Variants in FGD6 observed in about 807,000 individuals in gnomAD.
FGD6 encodes the protein FYVE, RhoGEF and PH domain containing 6.
FGD6 carries 90 observed loss-of-function variants against 149.4 expected under a neutral mutation model. The ratio of observed to expected loss-of-function variants is 0.60; its 90% CI spans 0.51 to 0.72. FGD6 has a LOEUF of 0.72. Ranked by LOEUF, FGD6 falls within the 30% of genes least tolerant of loss-of-function variation. The pLI is 0.00. For missense variants in FGD6, 1,437 were observed against 1,684.8 expected, an observed-to-expected ratio of 0.85 and a Z score of 2.57; for synonymous variants, 527 against 584.0, an observed-to-expected ratio of 0.90 and a Z score of 1.41.
chr12:95,088,404 C>T (rs1178536873), intron 18 of FGD6, among the ~76,000 whole-genome samples: 2 of 152,118 alleles, frequency 1.3e-5, no homozygotes, highest in Non-Finnish European at 2.9e-5. Flanking sequence ...AATAATCCAA[C>T]TCCAACTCAA....
chr12:95,180,724 T>TA (rs1267789058), intron 2 of FGD6, among the ~76,000 whole-genome samples: 1 of 152,128 alleles, frequency 6.6e-6, no homozygotes, highest in Non-Finnish European at 1.5e-5. Flanking sequence ...AGTACATTTT[T>TA]AAAAGTTGTT....
Position 95,108,572 on chromosome 12 carries a change from C to G in FGD6, c.3134-11G>C. The G allele has an allele frequency of 1.2e-6, 2 of 1,613,806 alleles. No homozygotes were observed. The highest frequency in any genetic ancestry group is 1.7e-6 in the Non-Finnish European group (2 of 1,179,806). On this transcript the variant is annotated splice_polypyrimidine_tract_variant and intron_variant, in intron 9 of 20. Transcript: ENST00000343958. ...CAACAGCAAGGGCATCTGAAATAGGCAGGAACAAAACGTGCATTTAGTAAT... is the reference window on the plus strand; with the variant it reads ...CAACAGCAAGGGCATCTGAAATAGGGAGGAACAAAACGTGCATTTAGTAAT...
intron 1 of FGD6, among the ~76,000 whole-genome samples, chr12:95,216,262 A>G (rs559484253): frequency 6.6e-6 from 1 of 152,346 alleles, no homozygotes; most frequent in African/African-American, 2.4e-5. Context: ...TGCCAAGAAA[A>G]GCAATGAAAA....
At chr12:95,176,974 T>C (rs1322725115) in intron 2 of FGD6, among the ~76,000 whole-genome samples, 1 of 152,052 alleles carries the variant, frequency 6.6e-6, no homozygotes, top group Non-Finnish European at 1.5e-5. Flanking sequence ...ACTATAGGTG[T>C]ACGCCACCAT....
chr12:95,132,095 T>C (rs1268110416), intron 8 of FGD6, among the ~76,000 whole-genome samples: 1 of 152,112 alleles, frequency 6.6e-6, no homozygotes, highest in East Asian at 1.9e-4. Context: ...AAGTAAGAGG[T>C]AGCTCAAACT....
In FGD6 at chr12:95,094,631, C is replaced by T. The variant is rs537326236; in HGVS notation, c.3561G>A (p.Lys1187=). 3 of 1,612,814 alleles carry T rather than the reference C, an allele frequency of 1.9e-6. No homozygotes were observed. In the East Asian group the frequency reaches 6.7e-5, roughly 36 times the overall value. The change falls in exon 15 of 21, where the codon AAG becomes AAA. Residue 1187 remains lysine, a synonymous_variant. Transcript: ENST00000343958. ...AISRAIEEYA[K]KRITFCPSRS... Reference sequence around the variant, plus strand: ...TACTAGGACAGAAGGTGATTCTTTTCTTGGCATACTCTTCTATTGCCCTGG... The same window carrying T: ...TACTAGGACAGAAGGTGATTCTTTTTTTGGCATACTCTTCTATTGCCCTGG...
rs541516188 is a variant in FGD6, at chr12:95,094,115, C to T, written c.3600+477G>A. ...CAGAGGTTGCAGTGAGCTGAGTTTG[C>T]GCCATTGCACTCCAGCCTGGGCAAT... On this transcript the variant is annotated intron_variant, in intron 15 of 20. Coordinates refer to ENST00000343958, the MANE Select transcript of FGD6 (RefSeq NM_018351.4). 6.0e-5 allele frequency among the ~76,000 whole-genome samples: 9 copies of T among 150,226 alleles called. 1 individual carries two copies. The highest frequency in any genetic ancestry group is 2.1e-4 in the South Asian group (1 of 4,736).
intron 1 of FGD6, among the ~76,000 whole-genome samples, chr12:95,211,469 A>T (rs575464606): frequency 2.4e-4 from 36 of 152,120 alleles, no homozygotes; most frequent in African/African-American, 8.4e-4. Flanking sequence ...TCTATTGTAC[A>T]TTTTTAAATA....
chr12:95,099,044 A>G (rs1878333669), intron 14 of FGD6, among the ~76,000 whole-genome samples: 1 of 151,904 alleles, frequency 6.6e-6, no homozygotes, highest in South Asian at 2.1e-4. Flanking sequence ...TAATTTTTAT[A>G]TTTTAATGTA....
intron 8 of FGD6, among the ~76,000 whole-genome samples, chr12:95,118,673 G>A (rs1159025624): frequency 6.6e-6 from 1 of 152,170 alleles, no homozygotes; most frequent in African/African-American, 2.4e-5. Flanking sequence ...AAAGTCAAGT[G>A]TTTTGAATTT....
chr12:95,101,184 A>C (rs1592831230), intron 14 of FGD6: 1 of 147,768 alleles, frequency 6.8e-6, no homozygotes, highest in East Asian at 2.0e-4. Flanking sequence ...AAAAATACAA[A>C]AAAAAAAAAA....
intron 3 of FGD6, 41 bp downstream of exon 3, chr12:95,172,559 C>T: frequency 1.3e-6 from 2 of 1,505,500 alleles, no homozygotes; most frequent in East Asian, 2.3e-5. Context: ...CATTCCCAAG[C>T]ATAGGGAGAG....
intron 2 of FGD6, among the ~76,000 whole-genome samples, chr12:95,179,522 C>A (rs1881220539): frequency 6.6e-6 from 1 of 151,446 alleles, no homozygotes; most frequent in Non-Finnish European, 1.5e-5. Context: ...TAAATAAGAC[C>A]AAAATCATAA....
chr12:95,157,306 C>T (rs1018306661), intron 3 of FGD6, among the ~76,000 whole-genome samples: 1 of 152,140 alleles, frequency 6.6e-6, no homozygotes, highest in African/African-American at 2.4e-5. Context: ...GTGGCTGACG[C>T]CTGTAATCCC....
intron 8 of FGD6, among the ~76,000 whole-genome samples, chr12:95,123,137 C>G (rs1050849818): frequency 6.6e-6 from 1 of 151,610 alleles, no homozygotes; most frequent in Non-Finnish European, 1.5e-5. Context: ...CAATGCACCC[C>G]CTCCTCACCA....
intron 8 of FGD6, among the ~76,000 whole-genome samples, chr12:95,130,062 A>C (rs1440219446): frequency 6.6e-6 from 1 of 152,160 alleles, no homozygotes; most frequent in Non-Finnish European, 1.5e-5. Flanking sequence ...GTTTGAACTG[A>C]TCTTAAAAAA....
At chr12:95,134,627 C>T (rs1271911978) in intron 8 of FGD6, 112 bp downstream of exon 8, 12 of 867,362 alleles carry the variant, frequency 1.4e-5, no homozygotes, top group South Asian at 2.8e-5. Flanking sequence ...TATTAGGCAA[C>T]GTGGTGACGG....
intron 2 of FGD6, among the ~76,000 whole-genome samples, chr12:95,178,648 A>G (rs1045609438): frequency 1.3e-5 from 2 of 152,218 alleles, no homozygotes; most frequent in African/African-American, 4.8e-5. Context: ...TTAAAGGTTA[A>G]GACAAATTTT....
chr12:95,199,252 G>GAACCAA (rs1881804919), intron 2 of FGD6, among the ~76,000 whole-genome samples: 1 of 152,156 alleles, frequency 6.6e-6, no homozygotes, highest in Admixed American at 6.5e-5. Flanking sequence ...TTGCATCAGT[G>GAACCAA]AGTGAAGAGA....
Sources: gnomAD v4.1 joint callset for allele counts (sites outside exome capture counted in the v4.1 genomes callset) on GRCh38, gnomAD v4.1.1 for gene constraint, MANE v1.5 for transcripts, NCBI Gene and HGNC (gene_info 2026-07-23, HGNC 2026-07-21) for gene names.